ITPK1: variants seen among roughly 807,000 people sequenced by gnomAD.
The protein encoded by ITPK1 is inositol 1,3,4-trisphosphate 5/6-kinase.
A neutral mutation model predicts 45.3 loss-of-function variants in ITPK1; 21 were observed. That is an observed-to-expected ratio of 0.46 (90% CI 0.33 to 0.67). ITPK1 has a LOEUF of 0.67. ITPK1 is among the 30% of genes least tolerant of loss of function. The pLI is 0.02. For synonymous variants in ITPK1, 258 were observed against 253.6 expected, an observed-to-expected ratio of 1.02 and a Z score of -0.16; for missense variants, 474 against 573.5, an observed-to-expected ratio of 0.83 and a Z score of 1.77.
At chr14:93,104,037 A>G (rs898113715) in intron 2 of ITPK1, among the ~76,000 whole-genome samples, 4 of 152,018 alleles carry the variant, frequency 2.6e-5, no homozygotes, top group East Asian at 3.9e-4. Context: ...TGGAGGGGGA[A>G]TCCTATCATT....
chr14:92,964,384 G>A (rs1566701375), intron 5 of ITPK1, among the ~76,000 whole-genome samples: 3 of 152,220 alleles, frequency 2.0e-5, no homozygotes, highest in African/African-American at 7.2e-5. Context: ...GCACAGGAGA[G>A]GGGAAGTCAG....
chr14:92,995,669 T>C (rs1193111589), intron 4 of ITPK1, among the ~76,000 whole-genome samples: 1 of 152,164 alleles, frequency 6.6e-6, no homozygotes, highest in Non-Finnish European at 1.5e-5. Flanking sequence ...TCCCTGCACA[T>C]AAGTGCGAGG....
chr14:92,962,010 G>T (rs1403742629), intron 7 of ITPK1, among the ~76,000 whole-genome samples: 1 of 152,244 alleles, frequency 6.6e-6, no homozygotes, highest in African/African-American at 2.4e-5. Context: ...TTAGCCTCCG[G>T]GGCTGTGAGA....
chr14:93,074,065 G>T (rs1180268850), intron 3 of ITPK1, among the ~76,000 whole-genome samples: 3 of 152,242 alleles, frequency 2.0e-5, no homozygotes, highest in Non-Finnish European at 4.4e-5. Context: ...TGAAAAGCCA[G>T]CCAAGTGGCT....
intron 8 of ITPK1, among the ~76,000 whole-genome samples, chr14:92,954,051 G>C (rs1050796115): frequency 6.6e-6 from 1 of 152,044 alleles, no homozygotes; most frequent in African/African-American, 2.4e-5. Flanking sequence ...CTGCCACCAC[G>C]CCTGGCTAAT....
At chr14:92,952,090 G>T in intron 8 of ITPK1, 77 bp from the exon 9 acceptor site, 1 of 1,171,460 alleles carries the variant, frequency 8.5e-7, no homozygotes, top group Non-Finnish European at 1.2e-6. Flanking sequence ...ACACCAGGGG[G>T]CAGCATCACC....
At chr14:92,975,139 G>A (rs1013248041) in intron 5 of ITPK1, among the ~76,000 whole-genome samples, 11 of 152,222 alleles carry the variant, frequency 7.2e-5, no homozygotes, top group African/African-American at 2.7e-4. Context: ...GCTCCCCAAC[G>A]GCTCCCATGG....
chr14:92,940,845 T>G lies in ITPK1; in HGVS notation c.*716A>C, dbSNP rs1444902637. Reference sequence around the variant, plus strand: ...CCCGGGCTCCAGGGAGCAGCAGTGCTGGCTTAGGGGAAGGAGACCGCTGTG... The same window carrying G: ...CCCGGGCTCCAGGGAGCAGCAGTGCGGGCTTAGGGGAAGGAGACCGCTGTG... On this transcript the variant is annotated 3_prime_UTR_variant, in exon 11 of 11. Transcript: ENST00000267615. 1.6e-6 allele frequency: 2 copies of G among 1,287,156 alleles called. No individual in the cohort carries two copies. The highest frequency in any genetic ancestry group is 2.0e-6 in the Non-Finnish European group (2 of 988,074). The allele number at this position is 1,287,156 out of a possible 1,614,324, so 79.7% of individuals were successfully genotyped here. A position where few individuals can be genotyped will look rare whatever the true frequency, so the allele number is the denominator to read the frequency against.
Position 92,941,598 on chromosome 14 carries a change from C to A in ITPK1, c.1208G>T (p.Cys403Phe). ...GGCCTTGGTGGCCAGGGAGGCCACA[C>A]AATGCTGCTGGAAGCTGGGCGACAC... is the stretch of plus-strand genomic sequence containing the variant. ...AGVSPSFQQH[C>F]VASLATKASS... Residue 403 changes from cysteine (C) to phenylalanine (F), a missense_variant, in exon 11 of 11, where the codon TGT (cysteine) becomes TTT (phenylalanine). Cys to Phe is a radical substitution (Grantham distance 205). Transcript: ENST00000267615. 13 of 1,537,754 alleles carry A rather than the reference C, an allele frequency of 8.5e-6. No individual in the cohort carries two copies. The highest frequency in any genetic ancestry group is 1.0e-5 in the Non-Finnish European group (12 of 1,144,612).
rs1891237266 is a variant in ITPK1, at chr14:93,076,734, C to T, written c.96-115G>A. 4 of 1,222,168 alleles carry T rather than the reference C, an allele frequency of 3.3e-6. No individual in the cohort carries two copies. Among genetic ancestry groups the T allele is most frequent in the African/African-American group, 3.0e-5 (2 of 67,388 alleles). 75.7% of individuals were successfully genotyped at this position (1,222,168 alleles called of 1,614,324 possible). A position where few individuals can be genotyped will look rare whatever the true frequency, so the allele number is the denominator to read the frequency against. On this transcript the variant is annotated intron_variant, in intron 2 of 10. Transcript: ENST00000267615. The surrounding 1 kb of genome is among the most constrained non-coding windows in gnomAD (Gnocchi z 4.3). ...CCATGAGAGGGTTTCAGGAGGGAGC[C>T]GGCAGCTGCGCCTCTCCTGCTACTG...
intron 2 of ITPK1, among the ~76,000 whole-genome samples, chr14:93,100,455 A>C (rs8015809): frequency 1.3e-5 from 2 of 151,612 alleles, no homozygotes; most frequent in African/African-American, 4.9e-5. Flanking sequence ...GTGAGGACTC[A>C]CCTTGCACCA....
intron 5 of ITPK1, among the ~76,000 whole-genome samples, chr14:92,965,302 G>A (rs979151038): frequency 3.9e-5 from 6 of 152,176 alleles, no homozygotes; most frequent in African/African-American, 1.4e-4. Flanking sequence ...AAAAGCATTT[G>A]AAAAAATCTA....
intron 2 of ITPK1, among the ~76,000 whole-genome samples, chr14:93,102,799 G>A (rs898441479): frequency 6.6e-6 from 1 of 151,634 alleles, no homozygotes; most frequent in Non-Finnish European, 1.5e-5. Context: ...CTACAACAAC[G>A]GCAAAAAAGA....
intron 4 of ITPK1, among the ~76,000 whole-genome samples, chr14:93,001,378 C>T (rs1887346563): frequency 6.6e-6 from 1 of 152,126 alleles, no homozygotes; most frequent in Non-Finnish European, 1.5e-5. Context: ...GTTTGCTTCT[C>T]GGGACTCCAG....
intron 5 of ITPK1, among the ~76,000 whole-genome samples, chr14:92,975,100 C>G (rs973662777): frequency 1.3e-5 from 2 of 152,230 alleles, no homozygotes; most frequent in African/African-American, 4.8e-5. Flanking sequence ...ACCTGTAAAG[C>G]CCAGCCTAAG....
intron 5 of ITPK1, among the ~76,000 whole-genome samples, chr14:92,973,732 G>A (rs976185700): frequency 1.3e-5 from 2 of 152,234 alleles, no homozygotes; most frequent in Non-Finnish European, 2.9e-5. Flanking sequence ...TCACAGGCAC[G>A]TGGGTGGGAG....
intron 3 of ITPK1, chr14:93,067,924 T>C (rs978049858): frequency 6.3e-5 from 9 of 142,284 alleles, no homozygotes; most frequent in African/African-American, 2.1e-4. Flanking sequence ...AAAAAAACCA[T>C]AAAATCTATC....
chr14:92,951,044 C>T (rs139639079), intron 9 of ITPK1, among the ~76,000 whole-genome samples: 5 of 152,202 alleles, frequency 3.3e-5, no homozygotes, highest in Non-Finnish European at 7.3e-5. Context: ...CCGAGGGACA[C>T]GAGCACTGCC....
At chr14:93,028,822 TG>T (rs1888886569) in intron 3 of ITPK1, among the ~76,000 whole-genome samples, 1 of 152,224 alleles carries the variant, frequency 6.6e-6, no homozygotes, top group African/African-American at 2.4e-5. Flanking sequence ...GGCACGATGA[TG>T]GGGCTGTGGC....
Sources: allele counts gnomAD v4.1 joint callset (sites outside exome capture counted in the v4.1 genomes callset), GRCh38; gene constraint gnomAD v4.1.1; non-coding constraint Gnocchi (gnomAD v3.1); transcripts MANE v1.5; gene names NCBI Gene and HGNC (gene_info 2026-07-23, HGNC 2026-07-21).